The following DHX8 variants were observed in gnomAD, a reference collection of about 807,000 sequenced individuals.
DHX8 encodes the protein ATP-dependent RNA helicase DHX8.
DHX8 carries 67 observed loss-of-function variants against 140.7 expected under a neutral mutation model. That is an observed-to-expected ratio of 0.48 (90% CI 0.39 to 0.58). The LOEUF is 0.58. Ranked by LOEUF, DHX8 falls within the 20% of genes least tolerant of loss-of-function variation. The probability of loss-of-function intolerance (pLI) is 0.00; values close to 1 mark genes in which losing one functional copy is unlikely to be tolerated. For missense variants in DHX8, 887 were observed against 1,550.7 expected (o/e 0.57, Z 7.19); for synonymous variants, 533 against 553.2 (o/e 0.96, Z 0.51).
chr17:43,544,000 G>A (rs554290354), intron 3 of DHX8: 168 of 152,282 alleles, frequency 1.1e-3, no homozygotes, highest in African/African-American at 3.8e-3. Context: ...GTGGAGGGAT[G>A]AGGAGATCCT....
chr17:43,513,650 T>A, intron 17 of DHX8, 148 bp downstream of exon 17: 1 of 666,600 alleles, frequency 1.5e-6, no homozygotes. Context: ...GGATTTTTTG[T>A]TATTTGTTTT....
In DHX8 at chr17:43,507,634, C is replaced by T. The variant is rs771214345; in HGVS notation, c.2055C>T (p.Asp685=). 19 of 1,613,942 alleles carry T rather than the reference C, an allele frequency of 1.2e-5. No homozygotes were observed. The highest frequency in any genetic ancestry group is 6.6e-5 in the South Asian group (6 of 91,086). The change falls in exon 14 of 23, where the codon GAC becomes GAT. Residue 685 remains aspartate (D), a synonymous_variant. Coordinates refer to ENST00000262415, the MANE Select transcript of DHX8 (RefSeq NM_004941.3). ...DLTQYAIIML[D]EAHERTIHTD... is the part of the protein sequence containing the mutation. ...CTCAGTACGCGATCATCATGTTGGACGAGGCACATGAGAGGACAATTCACA... is the reference window on the plus strand; with the variant it reads ...CTCAGTACGCGATCATCATGTTGGATGAGGCACATGAGAGGACAATTCACA...
In DHX8 at chr17:43,500,071, TCAA is replaced by T. The variant is rs1411793213; in HGVS notation, c.1518_1520del (p.Asn506del). The T allele has an allele frequency of 6.2e-7, 1 of 1,614,018 alleles. No homozygotes were observed. Among genetic ancestry groups the T allele is most frequent in the African/African-American group, 1.3e-5 (1 of 74,902 alleles). On this transcript the variant is annotated inframe_deletion, in exon 11 of 23. Transcript: ENST00000262415. ...GAGATGGATTCTATTCCCATGGGAC[TCAA>T]CAAACACTGGGTTGACCCTCTGCCT...
At chr17:43,533,266 G>A (rs1463812280) in intron 2 of DHX8, 28 of 1,613,790 alleles carry the variant, frequency 1.7e-5, no homozygotes, top group East Asian at 6.7e-5. Context: ...TGCTCTGCCC[G>A]GGGAAAGGGC....
intron 17 of DHX8, among the ~76,000 whole-genome samples, chr17:43,516,404 C>A (rs1970116170): frequency 6.6e-6 from 1 of 152,040 alleles, no homozygotes; most frequent in African/African-American, 2.4e-5. Flanking sequence ...TGAACATTTT[C>A]TTCTGTCATT....
chr17:43,492,808 A>G lies in DHX8; in HGVS notation c.631A>G (p.Arg211Gly). 3.1e-6 allele frequency: 5 copies of G among 1,614,208 alleles called. No individual in the cohort carries two copies. Among genetic ancestry groups the G allele is most frequent in the Non-Finnish European group, 4.2e-6 (5 of 1,180,036 alleles). Reference sequence around the variant, plus strand: ...CCGATCCCGCTCTCGATCACGTTCCAGGACCCGGGAGAGGAATAAAGTGAA... The same window carrying G: ...CCGATCCCGCTCTCGATCACGTTCCGGGACCCGGGAGAGGAATAAAGTGAA... ...RHRSRSRSRS[R>G]TRERNKVKSR... is the part of the protein sequence containing the mutation. Residue 211 changes from arginine (R) to glycine (G), a missense_variant, in exon 6 of 23, where the codon AGG (arginine) becomes GGG (glycine). By Grantham distance (125) the Arg-to-Gly change is moderately radical. Coordinates refer to ENST00000262415, the MANE Select transcript of DHX8 (RefSeq NM_004941.3).
rs1314213744 is a variant in DHX8, at chr17:43,520,219, A to G, written c.2889A>G (p.Thr963=). The part of the protein sequence containing the change: ...TLITAMEQLY[T]LGALDDEGLL... ...TCACAGCCATGGAGCAGCTGTACAC[A>G]CTGGGGGCCCTGGATGACGAGGGCC... The change falls in exon 19 of 23, where the codon ACA becomes ACG. Residue 963 remains threonine (T), a synonymous_variant. Transcript: ENST00000262415. 2 of 1,614,022 alleles carry G rather than the reference A, an allele frequency of 1.2e-6. No individual in the cohort carries two copies. Among genetic ancestry groups the G allele is most frequent in the East Asian group, 4.5e-5 (2 of 44,868 alleles).
chr17:43,499,674 C>A (rs1177556014), intron 10 of DHX8, among the ~76,000 whole-genome samples: 2 of 152,176 alleles, frequency 1.3e-5, no homozygotes, highest in Non-Finnish European at 2.9e-5. Flanking sequence ...AATTCTTATA[C>A]CTTTCTTATG....
Position 43,522,132 on chromosome 17 carries a change from A to G in DHX8, c.3349A>G (p.Lys1117Glu), listed in dbSNP as rs764831798. 4.3e-6 allele frequency: 7 copies of G among 1,614,130 alleles called. No homozygotes were observed. Among genetic ancestry groups the G allele is most frequent in the Non-Finnish European group, 5.9e-6 (7 of 1,180,016 alleles). The change falls in exon 22 of 23, where the codon AAG (lysine) becomes GAG (glutamate). Residue 1117 changes from lysine (K) to glutamate (E), a missense_variant. Lys to Glu is a moderately conservative substitution (Grantham distance 56). This residue lies in a region of DHX8 where 101 missense variants were observed against 168.2 expected (regional missense o/e 0.60). Transcript: ENST00000262415. ...ICSGFFRNAA[K>E]KDPQEGYRTL... ...CAGTGGGTTCTTCCGTAATGCTGCC[A>G]AGAAAGACCCGCAGGAGGGTTACCG...
downstream of DHX8, chr17:43,526,139 G>A: frequency 2.0e-6 from 2 of 985,308 alleles, no homozygotes; most frequent in Non-Finnish European, 1.2e-6. Flanking sequence ...GAGAAGGGGG[G>A]GGTCCTGTCC....
At chr17:43,526,215 C>T (rs539563897), downstream of DHX8, 5 of 985,356 alleles carry the variant, frequency 5.1e-6, no homozygotes, top group Admixed American at 1.8e-4. Context: ...TTCCTTGAAC[C>T]AGTATTTCCC....
In DHX8 at chr17:43,524,813, A is replaced by G; in HGVS notation, c.*966A>G. ...AAACCTCCCTTTCCCCACTCCAAAC[A>G]GAAAACAAACATAACACCTCTCCTC... On this transcript the variant is annotated 3_prime_UTR_variant, in exon 23 of 23. Coordinates refer to ENST00000262415, the MANE Select transcript of DHX8 (RefSeq NM_004941.3). 1 of 985,440 alleles carries G rather than the reference A, an allele frequency of 1.0e-6. No homozygotes were observed. The highest frequency in any genetic ancestry group is 1.2e-6 in the Non-Finnish European group (1 of 829,930). 61.0% of individuals were successfully genotyped at this position (985,440 alleles called of 1,614,324 possible).
Position 43,524,613 on chromosome 17 carries a change from A to G in DHX8, c.*766A>G, listed in dbSNP as rs780290340. ...AGGCCTGAGTGGCTACAGATGGCACATATTAAATACAGAAGGTTTCCCCTT... is the reference window on the plus strand; with the variant it reads ...AGGCCTGAGTGGCTACAGATGGCACGTATTAAATACAGAAGGTTTCCCCTT... On this transcript the variant is annotated 3_prime_UTR_variant, in exon 23 of 23. Transcript: ENST00000262415. The G allele has an allele frequency of 3.0e-6, 3 of 985,564 alleles. No homozygotes were observed. Among genetic ancestry groups the G allele is most frequent in the Non-Finnish European group, 3.6e-6 (3 of 830,018 alleles). 61.1% of individuals were successfully genotyped at this position (985,564 alleles called of 1,614,324 possible). A position where few individuals can be genotyped will look rare whatever the true frequency, so the allele number is the denominator to read the frequency against.
chr17:43,526,135 G>T (rs543097976), downstream of DHX8: 16 of 984,098 alleles, frequency 1.6e-5, no homozygotes, highest in East Asian at 1.1e-3. Flanking sequence ...GAGGGAGAAG[G>T]GGGGGGTCCT....
chr17:43,534,114 C>T lies in DHX8; in HGVS notation c.351-2298C>T, dbSNP rs577383719. 28 of 1,031,268 alleles carry T rather than the reference C, an allele frequency of 2.7e-5. No individual in the cohort carries two copies. In the East Asian group the frequency reaches 8.1e-4, roughly 30 times the overall value. The allele number at this position is 1,031,268 out of a possible 1,614,324, so 63.9% of individuals were successfully genotyped here. ...ACAGCCTCCTTCCCTCTCTGGGTAT[C>T]AATTTTCTGAGACCCGCAGTGAGAC... On this transcript the variant is annotated intron_variant, in intron 2 of 3. Coordinates refer to the DHX8 transcript ENST00000589898.
rs752188912 is a variant in DHX8 at position 43,522,137 on chromosome 17, A to G, written c.3354A>G (p.Lys1118=). 1.2e-6 allele frequency: 2 copies of G among 1,614,176 alleles called. No homozygotes were observed. The highest frequency in any genetic ancestry group is 1.7e-6 in the Non-Finnish European group (2 of 1,180,018). The change falls in exon 22 of 23, where the codon AAA becomes AAG. Residue 1118 remains lysine (K), a synonymous_variant. Transcript: ENST00000262415. The part of the protein sequence containing the change: ...CSGFFRNAAK[K]DPQEGYRTLI... The stretch of plus-strand genomic sequence containing the variant: ...GGTTCTTCCGTAATGCTGCCAAGAA[A>G]GACCCGCAGGAGGGTTACCGGACAC...
chr17:43,517,501 T>C (rs1046114887), intron 18 of DHX8, 179 bp downstream of exon 18: 165 of 657,304 alleles, frequency 2.5e-4, no homozygotes, highest in Non-Finnish European at 3.8e-4. Flanking sequence ...GGGGCTAAGT[T>C]GGCATGTCTG....
chr17:43,523,208 C>T (rs1161250401), intron 22 of DHX8, among the ~76,000 whole-genome samples: 1 of 152,036 alleles, frequency 6.6e-6, no homozygotes, highest in Non-Finnish European at 1.5e-5. Context: ...CATGTTATCA[C>T]AGTAGAAGGG....
chr17:43,526,871 C>T (rs1448370789), downstream of DHX8: 2 of 382,530 alleles, frequency 5.2e-6, no homozygotes, highest in East Asian at 1.3e-4. Flanking sequence ...AGTAATGTTG[C>T]CTTTTATTTG....
Sources: gnomAD v4.1 joint callset for allele counts (sites outside exome capture counted in the v4.1 genomes callset) on GRCh38, gnomAD v4.1.1 for gene constraint, gnomAD v4.1.1 regional missense constraint, MANE v1.5 for transcripts, NCBI Gene and HGNC (gene_info 2026-07-23, HGNC 2026-07-21) for gene names.